SCN3B: variants seen among roughly 807,000 people sequenced by gnomAD.
The protein encoded by SCN3B is sodium voltage-gated channel beta subunit 3.
Under a neutral mutation model 25.4 loss-of-function variants are expected in SCN3B, and 11 were observed. The observed-to-expected ratio is 0.43, with a 90% CI of 0.27 to 0.72. SCN3B has a LOEUF of 0.72. Ranked by LOEUF, SCN3B falls within the 30% of genes least tolerant of loss-of-function variation. The probability of loss-of-function intolerance (pLI) is 0.18; values close to 1 mark genes in which losing one functional copy is unlikely to be tolerated. For missense variants in SCN3B, 218 were observed against 278.3 expected, an observed-to-expected ratio of 0.78 and a Z score of 1.54; for synonymous variants, 109 against 110.7, an observed-to-expected ratio of 0.99 and a Z score of 0.09.
chr11:123,643,499 A>T (rs1384012316), intron 3 of SCN3B, among the ~76,000 whole-genome samples: 1 of 152,242 alleles, frequency 6.6e-6, no homozygotes, highest in African/African-American at 2.4e-5. Context: ...TTAGAAGTTA[A>T]ATACAATGTA....
intron 3 of SCN3B, among the ~76,000 whole-genome samples, chr11:123,644,801 ATATATAT>A (rs1198325314): frequency 3.9e-3 from 89 of 23,002 alleles, no homozygotes; most frequent in Middle Eastern, 0.021. Context: ...GAGAGAGAGA[ATATATAT>A]ATATATATAT....
At chr11:123,641,935 C>T in intron 4 of SCN3B, among the ~76,000 whole-genome samples, 1 of 152,152 alleles carries the variant, frequency 6.6e-6, no homozygotes, top group Non-Finnish European at 1.5e-5. Flanking sequence ...AGTGCAAACT[C>T]TCAGGCTCCA....
At position 123,637,306 on chromosome 11, in the gene SCN3B, T is replaced by A. The variant is rs551282786; in HGVS notation, c.584+880A>T. On this transcript the variant is annotated intron_variant, in intron 5 of 6. Coordinates refer to ENST00000299333, the MANE Select transcript of SCN3B (RefSeq NM_001040151.2). ...GAAATAACATGTTGCTTGGAGCTCC[T>A]TTGCTAGCAAAGGGCAGTGCCCAGA... 9.6e-4 allele frequency among the ~76,000 whole-genome samples: 146 copies of A among 152,184 alleles called. 1 individual carries two copies. Among genetic ancestry groups the A allele is most frequent in the Non-Finnish European group, 1.1e-3 (73 of 67,996 alleles).
chr11:123,644,803 ATATAT>A (rs1955833365), intron 3 of SCN3B, among the ~76,000 whole-genome samples: 5 of 23,884 alleles, frequency 2.1e-4, no homozygotes, highest in South Asian at 1.9e-3. Flanking sequence ...GAGAGAGAAT[ATATAT>A]ATATATATAT....
chr11:123,649,806 C>T (rs1955902500), intron 2 of SCN3B, among the ~76,000 whole-genome samples: 1 of 151,924 alleles, frequency 6.6e-6, no homozygotes, highest in Admixed American at 6.6e-5. Context: ...TGGGTTCAAG[C>T]GATTCTCCTG....
chr11:123,638,185 C>T lies in SCN3B; in HGVS notation c.584+1G>A, dbSNP rs1314053457. On this transcript the variant is annotated splice_donor_variant, in intron 5 of 6. Transcript: ENST00000299333. LOFTEE classifies it high-confidence loss of function. ...TATTACTTTGGCATCTCTGGACTTA[C>T]GCGTTTTCTTGGGCTGCCTCTTCGG... 2 of 1,614,064 alleles carry T rather than the reference C, an allele frequency of 1.2e-6. No homozygotes were observed. Among genetic ancestry groups the T allele is most frequent in the Non-Finnish European group, 1.7e-6 (2 of 1,180,020 alleles).
chr11:123,642,193 A>G lies in SCN3B; in HGVS notation c.445+253T>C, dbSNP rs182328714. On this transcript the variant is annotated intron_variant, in intron 4 of 6. Coordinates refer to ENST00000299333, the MANE Select transcript of SCN3B (RefSeq NM_001040151.2). The surrounding 1 kb of genome is among the most constrained non-coding windows in gnomAD (Gnocchi z 4.3). ...GGCTAGCCTCTTTCTCTAAGGGACC[A>G]GGAAGAGCTCATTCTATCATCTCCA... Among the ~76,000 whole-genome samples, 17 of 152,326 alleles carry G rather than the reference A, an allele frequency of 1.1e-4. No homozygotes were observed. The highest frequency in any genetic ancestry group is 4.1e-4 in the African/African-American group (17 of 41,586).
rs1009205108 is a variant in SCN3B, at chr11:123,638,522, G to A, written c.446-198C>T. On this transcript the variant is annotated intron_variant, in intron 4 of 6. Transcript: ENST00000299333. ...CATCAGCTGCTCAGGAGCCAGGGAA[G>A]AGGGAGTGGGATGCCTGGAAGAAGT... 7.3e-5 allele frequency: 48 copies of A among 661,774 alleles called. No individual in the cohort carries two copies. The African/African-American group carries it at 8.5e-4, about 12-fold the overall frequency. 41.0% of individuals were successfully genotyped at this position (661,774 alleles called of 1,614,324 possible). A position where few individuals can be genotyped will look rare whatever the true frequency, so the allele number is the denominator to read the frequency against.
intron 2 of SCN3B, among the ~76,000 whole-genome samples, chr11:123,646,407 C>A (rs1281337720): frequency 6.6e-6 from 1 of 152,160 alleles, no homozygotes; most frequent in African/African-American, 2.4e-5. Context: ...CTGTGTGTCC[C>A]TTCCAGTGTG....
At chr11:123,638,498 A>T (rs1182285671) in intron 4 of SCN3B, 174 bp from the exon 5 acceptor site, 1 of 832,012 alleles carries the variant, frequency 1.2e-6, no homozygotes, top group Admixed American at 2.2e-5. Flanking sequence ...ACTGACTGTC[A>T]TCAGCTGCTC....
chr11:123,653,614 C>T, intron 2 of SCN3B, 133 bp downstream of exon 2: 1 of 1,017,742 alleles, frequency 9.8e-7, no homozygotes, highest in Non-Finnish European at 1.6e-6. Context: ...CCCCTGCCAT[C>T]TCCATGTCTG....
At chr11:123,643,787 G>A (rs1354831939) in intron 3 of SCN3B, among the ~76,000 whole-genome samples, 3 of 152,352 alleles carry the variant, frequency 2.0e-5, no homozygotes, top group Non-Finnish European at 2.9e-5. Context: ...GGCCCTGGGG[G>A]CCTTTGCATC....
At chr11:123,644,089 C>T (rs752947952) in intron 3 of SCN3B, among the ~76,000 whole-genome samples, 9 of 152,168 alleles carry the variant, frequency 5.9e-5, no homozygotes, top group Non-Finnish European at 7.4e-5. Flanking sequence ...AAAGCAGTGC[C>T]GTAAAAAGGG....
chr11:123,634,249 A>G (rs1955701942), intron 5 of SCN3B, 43 bp from the exon 6 acceptor site: 1 of 1,552,822 alleles, frequency 6.4e-7, no homozygotes, highest in Non-Finnish European at 8.9e-7. Flanking sequence ...TTCAGTGCCC[A>G]GCGTGGGAAC....
chr11:123,637,667 T>TACAG (rs1261933789), intron 5 of SCN3B, among the ~76,000 whole-genome samples: 1 of 152,140 alleles, frequency 6.6e-6, no homozygotes, highest in African/African-American at 2.4e-5. Context: ...TAGCTGGGAT[T>TACAG]ACAGGTATGT....
chr11:123,638,090 T>C, intron 5 of SCN3B, 96 bp downstream of exon 5: 1 of 1,389,260 alleles, frequency 7.2e-7, no homozygotes. Context: ...ATGAAGAGGG[T>C]GGAGGATGAA....
Position 123,642,750 on chromosome 11 carries a change from G to T in SCN3B, c.220-79C>A. On this transcript the variant is annotated intron_variant, in intron 3 of 6. Coordinates refer to ENST00000299333, the MANE Select transcript of SCN3B (RefSeq NM_001040151.2). The surrounding 1 kb of genome is among the most constrained non-coding windows in gnomAD (Gnocchi z 4.3). ...GGGAAGCCGAGTTAGGGACAGGGCA[G>T]AGAAAAGGAGCAGAATTGTGCATGG... 9.5e-7 allele frequency: 1 copy of T among 1,057,450 alleles called. No individual in the cohort carries two copies. The highest frequency in any genetic ancestry group is 1.4e-6 in the Non-Finnish European group (1 of 694,962). 65.5% of individuals were successfully genotyped at this position (1,057,450 alleles called of 1,614,324 possible).
At chr11:123,641,997 G>A (rs1002680933) in intron 4 of SCN3B, among the ~76,000 whole-genome samples, 4 of 152,154 alleles carry the variant, frequency 2.6e-5, no homozygotes, top group Non-Finnish European at 5.9e-5. Context: ...GAGATTTTGA[G>A]GTTTGCTAAA....
intron 4 of SCN3B, chr11:123,640,698 AAGAGGGGCACC>A (rs1424512053): frequency 6.6e-6 from 1 of 152,008 alleles, no homozygotes; most frequent in Non-Finnish European, 1.5e-5. Context: ...CAGCCACAAA[AAGAGGGGCACC>A]AGAGCTACAC....
Sources: allele counts gnomAD v4.1 joint callset (sites outside exome capture counted in the v4.1 genomes callset), GRCh38; gene constraint gnomAD v4.1.1; non-coding constraint Gnocchi (gnomAD v3.1); transcripts MANE v1.5; gene names NCBI Gene and HGNC (gene_info 2026-07-23, HGNC 2026-07-21).